The following TMEM123 variants were observed in gnomAD, a reference collection of about 807,000 sequenced individuals.
TMEM123 encodes transmembrane protein 123.
Under a neutral mutation model 19.7 loss-of-function variants are expected in TMEM123, and 16 were observed. The ratio of observed to expected loss-of-function variants is 0.81; its 90% CI spans 0.55 to 1.23. TMEM123 has a LOEUF of 1.23. Ranked by LOEUF, TMEM123 falls within the 50% of genes most tolerant of loss-of-function variation. TMEM123 has a pLI of 0.00. For missense variants in TMEM123, 313 were observed against 257.8 expected (o/e 1.21, Z -1.47); for synonymous variants, 118 against 99.4 (o/e 1.19, Z -1.12).
chr11:102,436,656 C>T (rs1288817699), intron 2 of TMEM123, among the ~76,000 whole-genome samples: 2 of 148,068 alleles, frequency 1.4e-5, no homozygotes, highest in Non-Finnish European at 3.1e-5. Context: ...AAAGTTTCTT[C>T]CTAAGAACTT....
intron 2 of TMEM123, among the ~76,000 whole-genome samples, chr11:102,403,646 C>T (rs1463661517): frequency 6.6e-6 from 1 of 152,078 alleles, no homozygotes; most frequent in East Asian, 1.9e-4. Context: ...GTTTGTTTGT[C>T]CCTATCAAAA....
At chr11:102,403,401 A>AT (rs1951929505) in intron 2 of TMEM123, among the ~76,000 whole-genome samples, 1 of 152,238 alleles carries the variant, frequency 6.6e-6, no homozygotes, top group Non-Finnish European at 1.5e-5. Context: ...AACCAGAAGC[A>AT]AACCTTTCTG....
chr11:102,398,974 G>A (rs2135839388), intron 4 of TMEM123, 83 bp from the exon 5 acceptor site: 2 of 1,275,284 alleles, frequency 1.6e-6, no homozygotes, highest in East Asian at 4.7e-5. Flanking sequence ...AGTAAAGTAG[G>A]ATTAGAACAA....
At chr11:102,433,429 G>A (rs1857732696) in intron 2 of TMEM123, among the ~76,000 whole-genome samples, 1 of 151,860 alleles carries the variant, frequency 6.6e-6, no homozygotes, top group Non-Finnish European at 1.5e-5. Context: ...CCTTTGTTCT[G>A]GCCAATTTAT....
chr11:102,400,947 G>T (rs945072944), intron 4 of TMEM123, among the ~76,000 whole-genome samples: 1 of 152,198 alleles, frequency 6.6e-6, no homozygotes, highest in Non-Finnish European at 1.5e-5. Flanking sequence ...CAAAAGTTTG[G>T]ATATATCCTC....
At chr11:102,410,822 A>C (rs1489648024) in intron 2 of TMEM123, among the ~76,000 whole-genome samples, 1 of 152,144 alleles carries the variant, frequency 6.6e-6, no homozygotes, top group African/African-American at 2.4e-5. Flanking sequence ...CAAGAAGGAA[A>C]CAACACAGTT....
chr11:102,448,948 G>T, intron 1 of TMEM123, 80 bp from the exon 2 acceptor site: 2 of 1,395,720 alleles, frequency 1.4e-6, no homozygotes, highest in Non-Finnish European at 1.0e-6. Context: ...CTGCCTAGCG[G>T]GAGTAGGGGT....
intron 2 of TMEM123, among the ~76,000 whole-genome samples, chr11:102,446,384 T>C (rs562727193): frequency 7.2e-5 from 11 of 152,250 alleles, no homozygotes; most frequent in African/African-American, 1.2e-4. Flanking sequence ...CATAAAAAAA[T>C]AGAACTGTTA....
intron 2 of TMEM123, among the ~76,000 whole-genome samples, chr11:102,412,111 TA>T (rs1244304881): frequency 2.0e-5 from 3 of 152,156 alleles, no homozygotes; most frequent in Admixed American, 6.5e-5. Flanking sequence ...AGAACCAGTC[TA>T]TACATCATAT....
chr11:102,423,982 T>C (rs1952105924), intron 2 of TMEM123, among the ~76,000 whole-genome samples: 1 of 152,224 alleles, frequency 6.6e-6, no homozygotes, highest in African/African-American at 2.4e-5. Flanking sequence ...AAAAAAATCA[T>C]CTCCTGTAAA....
chr11:102,398,208 T>C lies in TMEM123; in HGVS notation c.*659A>G, dbSNP rs185059656. 80 of 172,788 alleles carry C rather than the reference T, an allele frequency of 4.6e-4. No individual in the cohort carries two copies. Among genetic ancestry groups the C allele is most frequent in the African/African-American group, 1.7e-3 (71 of 42,586 alleles). 10.7% of individuals were successfully genotyped at this position (172,788 alleles called of 1,614,324 possible). On this transcript the variant is annotated 3_prime_UTR_variant, in exon 5 of 5. Coordinates refer to ENST00000398136, the MANE Select transcript of TMEM123 (RefSeq NM_052932.3). ...TCAACATTGAAAGCTCAAAAGAAGT[T>C]AATAAAAATATGTGCTCCTTAATGC...
intron 2 of TMEM123, among the ~76,000 whole-genome samples, chr11:102,406,637 A>G (rs1038976519): frequency 6.6e-6 from 1 of 151,952 alleles, no homozygotes; most frequent in African/African-American, 2.4e-5. Context: ...GCACTTTGGG[A>G]GGCTGAGGTG....
chr11:102,448,833 T>G lies in TMEM123; in HGVS notation c.136A>C (p.Asn46His). Residue 46 changes from asparagine to histidine, a missense_variant, in exon 2 of 5, where the codon AAC becomes CAC. Coordinates refer to ENST00000398136, the MANE Select transcript of TMEM123 (RefSeq NM_052932.3). The stretch of plus-strand genomic sequence containing the variant: ...TCACCTGTTGAGTTAGCACTGGAGT[T>G]GTGTGGAAGCCCAGAATTCTCTATG... Reference protein sequence around the residue: ...ANIENSGLPHNSSANSTETLQ... With the variant: ...ANIENSGLPHHSSANSTETLQ... 3 of 1,613,828 alleles carry G rather than the reference T, an allele frequency of 1.9e-6. No homozygotes were observed. The highest frequency in any genetic ancestry group is 2.5e-6 in the Non-Finnish European group (3 of 1,179,806).
intron 2 of TMEM123, among the ~76,000 whole-genome samples, chr11:102,436,407 C>A (rs922245301): frequency 3.3e-5 from 5 of 151,940 alleles, no homozygotes; most frequent in South Asian, 2.1e-4. Context: ...AAGTGATCCG[C>A]CCGCCTCAGC....
Position 102,401,549 on chromosome 11 carries a change from A to G in TMEM123, c.592T>C (p.Tyr198His), listed in dbSNP as rs757426674. ...KMYYSRRGIR[Y>H]RTIDEHDAII ...CCATTCAAAACTTACATGGTTCGAT[A>G]CCGAATGCCTCTTCTTGAGTAATAC... is the stretch of plus-strand genomic sequence containing the variant. The change falls in exon 4 of 5, where the codon TAT (tyrosine) becomes CAT (histidine). Residue 198 changes from tyrosine (Y) to histidine (H), a missense_variant. Physicochemically the swap from Tyr to His is moderately conservative, Grantham distance 83. Coordinates refer to ENST00000398136, the MANE Select transcript of TMEM123 (RefSeq NM_052932.3). The G allele has an allele frequency of 6.3e-7, 1 of 1,581,632 alleles. No individual in the cohort carries two copies. The highest frequency in any genetic ancestry group is 1.2e-5 in the South Asian group (1 of 84,830).
At chr11:102,444,470 A>T (rs991353037) in intron 2 of TMEM123, among the ~76,000 whole-genome samples, 1 of 150,238 alleles carries the variant, frequency 6.7e-6, no homozygotes, top group Admixed American at 6.7e-5. Flanking sequence ...GTATGTTCTC[A>T]CTCATAGGTG....
chr11:102,422,085 T>C (rs951081564), intron 2 of TMEM123, among the ~76,000 whole-genome samples: 12 of 152,232 alleles, frequency 7.9e-5, no homozygotes, highest in African/African-American at 1.4e-4. Flanking sequence ...ACTGTACATA[T>C]TGATTAGGCA....
In TMEM123 at chr11:102,401,693, C is replaced by G; in HGVS notation, c.449-1G>C. On this transcript the variant is annotated splice_acceptor_variant, in intron 3 of 4. Transcript: ENST00000398136. LOFTEE classifies it high-confidence loss of function. ...GCTTCAGAATGCATAGTTGTTGTGA[C>G]TAGAACAAAAGAAAACAAAAAAGGG... The G allele has an allele frequency of 1.3e-6, 2 of 1,574,462 alleles. No homozygotes were observed. The highest frequency in any genetic ancestry group is 1.7e-6 in the Non-Finnish European group (2 of 1,170,238).
intron 2 of TMEM123, among the ~76,000 whole-genome samples, chr11:102,437,690 A>G (rs1857778989): frequency 6.6e-6 from 1 of 152,168 alleles, no homozygotes; most frequent in South Asian, 2.1e-4. Flanking sequence ...GAGAGTGCAC[A>G]GTGGTTTAGA....
Sources: allele counts gnomAD v4.1 joint callset (sites outside exome capture counted in the v4.1 genomes callset), GRCh38; gene constraint gnomAD v4.1.1; transcripts MANE v1.5; gene names NCBI Gene and HGNC (gene_info 2026-07-23, HGNC 2026-07-21).